KHDRBS3: variants seen among roughly 807,000 people sequenced by gnomAD.
KHDRBS3 encodes KH RNA binding domain containing, signal transduction associated 3.
In KHDRBS3, 23 loss-of-function variants were observed where a neutral mutation model predicts 45.6. The ratio of observed to expected loss-of-function variants is 0.50; its 90% CI spans 0.36 to 0.72. KHDRBS3 has a LOEUF of 0.72. KHDRBS3 is among the 30% of genes least tolerant of loss of function. The probability of loss-of-function intolerance (pLI) is 0.00; values close to 1 mark genes in which losing one functional copy is unlikely to be tolerated. For missense variants in KHDRBS3, 352 were observed against 424.8 expected (o/e 0.83, Z 1.51); for synonymous variants, 162 against 156.5 (o/e 1.04, Z -0.26).
At chr8:135,486,091 C>T (rs750263750) in intron 1 of KHDRBS3, among the ~76,000 whole-genome samples, 6 of 151,886 alleles carry the variant, frequency 4.0e-5, no homozygotes, top group Non-Finnish European at 8.8e-5. Flanking sequence ...AGTCATGAGG[C>T]ACTCCTGGAC....
intron 7 of KHDRBS3, among the ~76,000 whole-genome samples, chr8:135,642,931 TACAG>T (rs1831125423): frequency 6.6e-6 from 1 of 152,024 alleles, no homozygotes; most frequent in African/African-American, 2.4e-5. Context: ...TAGCTGGGAC[TACAG>T]ACGTCACCAC....
At chr8:135,463,911 A>G (rs757038588) in intron 1 of KHDRBS3, among the ~76,000 whole-genome samples, 1 of 152,156 alleles carries the variant, frequency 6.6e-6, no homozygotes, top group Non-Finnish European at 1.5e-5. Context: ...AAAGCCACCA[A>G]TTTGAGGCTC....
chr8:135,514,510 G>C (rs556373046), intron 1 of KHDRBS3, among the ~76,000 whole-genome samples: 1 of 152,200 alleles, frequency 6.6e-6, no homozygotes, highest in East Asian at 1.9e-4. Context: ...CAGCTAAGCA[G>C]TCACATTTAT....
chr8:135,595,441 C>T (rs1377020141), intron 6 of KHDRBS3, among the ~76,000 whole-genome samples: 1 of 152,114 alleles, frequency 6.6e-6, no homozygotes, highest in Admixed American at 6.5e-5. Flanking sequence ...CTAAATAGAC[C>T]AGATGCTCTC....
At chr8:135,573,965 A>G (rs1827829663) in intron 5 of KHDRBS3, among the ~76,000 whole-genome samples, 1 of 152,168 alleles carries the variant, frequency 6.6e-6, no homozygotes, top group African/African-American at 2.4e-5. Flanking sequence ...GTGGTACCCT[A>G]TTCCTATCAA....
At chr8:135,584,863 C>T (rs555522324) in intron 6 of KHDRBS3, among the ~76,000 whole-genome samples, 31 of 152,246 alleles carry the variant, frequency 2.0e-4, no homozygotes, top group African/African-American at 7.5e-4. Context: ...CTAAAGATTA[C>T]TCACCCATCA....
intron 5 of KHDRBS3, among the ~76,000 whole-genome samples, chr8:135,573,878 T>A (rs1471336771): frequency 6.6e-6 from 1 of 152,198 alleles, no homozygotes; most frequent in Admixed American, 6.5e-5. Flanking sequence ...ATTATTGCAT[T>A]GTAGACCATC....
chr8:135,535,380 T>C (rs1237955108), intron 2 of KHDRBS3, among the ~76,000 whole-genome samples: 1 of 108,542 alleles, frequency 9.2e-6, no homozygotes, highest in Non-Finnish European at 1.8e-5. Flanking sequence ...TATAAACTAT[T>C]ATATATAGTT....
At chr8:135,565,756 A>G (rs1034714548) in intron 5 of KHDRBS3, among the ~76,000 whole-genome samples, 2 of 152,156 alleles carry the variant, frequency 1.3e-5, no homozygotes, top group Non-Finnish European at 2.9e-5. Flanking sequence ...TGATTCTTCA[A>G]GCGCAAAGAC....
intron 7 of KHDRBS3, among the ~76,000 whole-genome samples, chr8:135,635,093 A>G (rs565550740): frequency 6.6e-6 from 1 of 152,346 alleles, no homozygotes; most frequent in South Asian, 2.1e-4. Context: ...TATTTATCAT[A>G]TTAGAAATTA....
chr8:135,594,973 ATAG>A (rs371954183), intron 6 of KHDRBS3, among the ~76,000 whole-genome samples: 9 of 152,348 alleles, frequency 5.9e-5, no homozygotes, highest in African/African-American at 2.2e-4. Context: ...ATGTCTATCA[ATAG>A]TAGAATGGAT....
intron 2 of KHDRBS3, among the ~76,000 whole-genome samples, chr8:135,524,818 A>G (rs2317278): frequency 0.8 from 121,127 of 152,032 alleles, 48,812 homozygotes; most frequent in East Asian, 0.96. Flanking sequence ...ATCAGGAATC[A>G]TAATTATCTG....
At chr8:135,618,789 C>T (rs1407925798) in intron 7 of KHDRBS3, among the ~76,000 whole-genome samples, 3 of 152,160 alleles carry the variant, frequency 2.0e-5, no homozygotes, top group Non-Finnish European at 2.9e-5. Context: ...TTTCACTAAC[C>T]CTCAATTTTC....
chr8:135,646,263 C>T (rs1342059251), intron 8 of KHDRBS3, among the ~76,000 whole-genome samples: 3 of 151,932 alleles, frequency 2.0e-5, no homozygotes, highest in East Asian at 3.9e-4. Context: ...TTATAGATAA[C>T]TCATTAAAAG....
intron 4 of KHDRBS3, among the ~76,000 whole-genome samples, chr8:135,653,186 A>G (rs992987478): frequency 3.9e-5 from 6 of 152,058 alleles, no homozygotes; most frequent in Admixed American, 1.3e-4. Context: ...CTGAGGCTAG[A>G]TTTCTGTTCT....
At chr8:135,526,053 A>G (rs942870612) in intron 2 of KHDRBS3, among the ~76,000 whole-genome samples, 1 of 152,166 alleles carries the variant, frequency 6.6e-6, no homozygotes, top group Non-Finnish European at 1.5e-5. Flanking sequence ...AGTACTTAGT[A>G]CAGTAGCATG....
intron 1 of KHDRBS3, among the ~76,000 whole-genome samples, chr8:135,466,683 T>G (rs1766123927): frequency 6.6e-6 from 1 of 152,220 alleles, no homozygotes; most frequent in African/African-American, 2.4e-5. Context: ...GTTTACTGAC[T>G]TGAGTGGGCT....
intron 8 of KHDRBS3, among the ~76,000 whole-genome samples, chr8:135,645,638 C>T (rs1027156768): frequency 1.3e-5 from 2 of 152,224 alleles, no homozygotes; most frequent in African/African-American, 2.4e-5. Context: ...CAAAGGGCAG[C>T]AGCTAAACCC....
At chr8:135,517,317 A>G (rs2130627722) in intron 1 of KHDRBS3, among the ~76,000 whole-genome samples, 1 of 152,194 alleles carries the variant, frequency 6.6e-6, no homozygotes, top group South Asian at 2.1e-4. Flanking sequence ...TGAAAATCTG[A>G]TTGGGTTTTC....
Sources: allele counts gnomAD v4.1 joint callset (sites outside exome capture counted in the v4.1 genomes callset), GRCh38; gene constraint gnomAD v4.1.1; transcripts MANE v1.5; gene names NCBI Gene and HGNC (gene_info 2026-07-23, HGNC 2026-07-21).